Variants in ITPR3 observed in about 807,000 individuals in gnomAD.
The protein encoded by ITPR3 is inositol 1,4,5-trisphosphate receptor type 3.
ITPR3 carries 173 observed loss-of-function variants against 293.2 expected under a neutral mutation model. That is an observed-to-expected ratio of 0.59 (90% CI 0.52 to 0.67). The LOEUF (loss-of-function observed/expected upper bound fraction) is 0.67, where lower values mean the gene tolerates loss of function less well. Ranked by LOEUF, ITPR3 falls within the 30% of genes least tolerant of loss-of-function variation. The probability of loss-of-function intolerance (pLI) is 0.00; values close to 1 mark genes in which losing one functional copy is unlikely to be tolerated. For synonymous variants in ITPR3, 1,295 were observed against 1,444.4 expected (o/e 0.90, Z 2.35); for missense variants, 2,796 against 3,592.1 (o/e 0.78, Z 5.66).
At chr6:33,659,618 C>T (rs1764406023) in intron 7 of ITPR3, 69 bp downstream of exon 7, 4 of 1,314,558 alleles carry the variant, frequency 3.0e-6, no homozygotes, top group Admixed American at 3.5e-5. Context: ...CCTCTTCCTG[C>T]CTTCTCCACC....
chr6:33,678,562 G>T lies in ITPR3; in HGVS notation c.3771+19G>T, dbSNP rs746963244. 3.3e-6 allele frequency: 5 copies of T among 1,522,498 alleles called. No individual in the cohort carries two copies. Among genetic ancestry groups the T allele is most frequent in the Non-Finnish European group, 4.5e-6 (5 of 1,118,646 alleles). 94.3% of individuals were successfully genotyped at this position (1,522,498 alleles called of 1,614,324 possible). On this transcript the variant is annotated intron_variant, in intron 29 of 57. Transcript: ENST00000605930. ...GCCAGGGGTGAGGGTGCAGGGCTGGGAGCACCTGGACGAGGCGGGGGATGG... is the reference window on the plus strand; with the variant it reads ...GCCAGGGGTGAGGGTGCAGGGCTGGTAGCACCTGGACGAGGCGGGGGATGG...
intron 16 of ITPR3, 114 bp from the exon 17 acceptor site, chr6:33,668,401 G>A: frequency 7.2e-7 from 1 of 1,379,392 alleles, no homozygotes; most frequent in East Asian, 2.4e-5. Context: ...CCTTGGGAGG[G>A]AGCTAGTTCC....
chr6:33,682,726 C>G lies in ITPR3; in HGVS notation c.4597+82C>G. 6.7e-6 allele frequency: 10 copies of G among 1,489,136 alleles called. No individual in the cohort carries two copies. Among genetic ancestry groups the G allele is most frequent in the Non-Finnish European group, 8.0e-6 (9 of 1,122,928 alleles). 92.2% of individuals were successfully genotyped at this position (1,489,136 alleles called of 1,614,324 possible). On this transcript the variant is annotated intron_variant, in intron 34 of 57. Coordinates refer to ENST00000605930, the MANE Select transcript of ITPR3 (RefSeq NM_002224.4). This position sits in a 1 kb window ranked among gnomAD's most constrained non-coding sequence, Gnocchi z 5.4. ...GGGACGCCTGCCCTCCTAATAAACA[C>G]TTTATCCCTAAGCTCGCCCATCTCC...
In ITPR3 at chr6:33,667,436, A is replaced by T. The variant is rs2127277641; in HGVS notation, c.1713+146A>T. On this transcript the variant is annotated intron_variant, in intron 15 of 57. Transcript: ENST00000605930. This position sits in a 1 kb window ranked among gnomAD's most constrained non-coding sequence, Gnocchi z 4.4. ...AGACAGCAGGGCCGGGTTCATGGGA[A>T]TGGGACCTGGCCCGGTGCTCACAAG... 6 of 1,097,242 alleles carry T rather than the reference A, an allele frequency of 5.5e-6. 1 individual carries two copies. In the South Asian group the frequency reaches 9.8e-5, roughly 18 times the overall value. 68.0% of individuals were successfully genotyped at this position (1,097,242 alleles called of 1,614,324 possible).
At chr6:33,660,734 G>T (rs1489802307) in intron 7 of ITPR3, among the ~76,000 whole-genome samples, 1 of 152,102 alleles carries the variant, frequency 6.6e-6, no homozygotes, top group Non-Finnish European at 1.5e-5. Context: ...CTCAAGACCA[G>T]CCTGGCCAAC....
Position 33,655,624 on chromosome 6 carries a change from C to T in ITPR3, c.161-142C>T. Reference sequence around the variant, plus strand: ...TGCTCCAAATTCTGTGAGGTTCTTCCAACCGCTTCCTCTCTACCTGCAGCG... The same window carrying T: ...TGCTCCAAATTCTGTGAGGTTCTTCTAACCGCTTCCTCTCTACCTGCAGCG... On this transcript the variant is annotated intron_variant, in intron 2 of 57. Coordinates refer to ENST00000605930, the MANE Select transcript of ITPR3 (RefSeq NM_002224.4). This position sits in a 1 kb window ranked among gnomAD's most constrained non-coding sequence, Gnocchi z 4.9. 5.4e-6 allele frequency: 6 copies of T among 1,118,696 alleles called. No homozygotes were observed. Among genetic ancestry groups the T allele is most frequent in the Non-Finnish European group, 7.6e-6 (6 of 790,514 alleles). The allele number at this position is 1,118,696 out of a possible 1,614,324, so 69.3% of individuals were successfully genotyped here.
chr6:33,642,760 G>A (rs1200346396), intron 2 of ITPR3, among the ~76,000 whole-genome samples: 1 of 152,090 alleles, frequency 6.6e-6, no homozygotes, highest in Non-Finnish European at 1.5e-5. Flanking sequence ...GGGCCACCCC[G>A]TGGTCCCATA....
rs963394738 is a variant in ITPR3 at position 33,633,297 on chromosome 6, C to T, written c.90-7187C>T. Among the ~76,000 whole-genome samples, 6 of 152,070 alleles carry T rather than the reference C, an allele frequency of 3.9e-5. No homozygotes were observed. Among genetic ancestry groups the T allele is most frequent in the Admixed American group, 3.9e-4 (6 of 15,266 alleles). Reference sequence around the variant, plus strand: ...GGGTGGGAACAGGTCTTTTCTGGGGCCCGTGGGTGGAGGGACCTTGTGGGG... The same window carrying T: ...GGGTGGGAACAGGTCTTTTCTGGGGTCCGTGGGTGGAGGGACCTTGTGGGG... On this transcript the variant is annotated intron_variant, in intron 1 of 57. Transcript: ENST00000605930. The surrounding 1 kb of genome is among the most constrained non-coding windows in gnomAD (Gnocchi z 5.2).
intron 33 of ITPR3, among the ~76,000 whole-genome samples, chr6:33,681,864 G>A (rs1011103724): frequency 6.6e-6 from 1 of 151,986 alleles, no homozygotes; most frequent in Non-Finnish European, 1.5e-5. Flanking sequence ...GGTGATGGGG[G>A]AGAGACTTCT....
intron 18 of ITPR3, among the ~76,000 whole-genome samples, chr6:33,669,409 G>A (rs1055485525): frequency 3.3e-5 from 5 of 152,232 alleles, no homozygotes; most frequent in African/African-American, 1.2e-4. Context: ...AACCCAGACT[G>A]TTTTCAAACA....
chr6:33,636,651 G>T (rs1252477566), intron 1 of ITPR3, among the ~76,000 whole-genome samples: 1 of 151,984 alleles, frequency 6.6e-6, no homozygotes, highest in East Asian at 1.9e-4. Flanking sequence ...TGTTCCGGTG[G>T]GAGGCCAGGA....
In ITPR3 at chr6:33,688,419, C is replaced by T. The variant is rs200983397; in HGVS notation, c.6556C>T (p.Arg2186Cys). 2.5e-6 allele frequency: 4 copies of T among 1,580,780 alleles called. No individual in the cohort carries two copies. The highest frequency in any genetic ancestry group is 4.5e-5 in the East Asian group (2 of 44,198). ...CCTGCACAACGAGATGGAGTGGCAG[C>T]GCAAGCTCCGCAGTGAGGACCCACG... Reference protein sequence around the residue: ...SFLHNEMEWQRKLRSMPLIYW... With the variant: ...SFLHNEMEWQCKLRSMPLIYW... Residue 2186 changes from arginine to cysteine, a missense_variant, in exon 48 of 58, where the codon CGC (arginine) becomes TGC (cysteine). Arg to Cys is a radical substitution (Grantham distance 180). This residue lies in a region of ITPR3 where 568 missense variants were observed against 796.1 expected (regional missense o/e 0.71). Coordinates refer to ENST00000605930, the MANE Select transcript of ITPR3 (RefSeq NM_002224.4).
At chr6:33,678,954 T>C in intron 30 of ITPR3, 115 bp downstream of exon 30, 1 of 1,055,738 alleles carries the variant, frequency 9.5e-7, no homozygotes, top group Non-Finnish European at 1.4e-6. Flanking sequence ...AAAGGAACAC[T>C]CAGCTGCTGA....
intron 41 of ITPR3, 100 bp downstream of exon 41, chr6:33,685,927 C>G: frequency 6.6e-7 from 1 of 1,507,108 alleles, no homozygotes; most frequent in East Asian, 2.3e-5. Context: ...TGTGCCCTGC[C>G]CTGGGCACTG....
At chr6:33,660,265 CA>C (rs1417832449) in intron 7 of ITPR3, among the ~76,000 whole-genome samples, 1 of 152,034 alleles carries the variant, frequency 6.6e-6, no homozygotes, top group African/African-American at 2.4e-5. Context: ...GCTAGGGGAG[CA>C]GGCAGGAACA....
chr6:33,640,478 C>G lies in ITPR3; in HGVS notation c.90-6C>G. 1 of 1,612,770 alleles carries G rather than the reference C, an allele frequency of 6.2e-7. No individual in the cohort carries two copies. The highest frequency in any genetic ancestry group is 8.5e-7 in the Non-Finnish European group (1 of 1,179,380). ...CTCCTGCTGACCGAGCTGCTTTGTT[C>G]CCCAGGCTGGTGGATGACCGCTGTG... is the stretch of plus-strand genomic sequence containing the variant. On this transcript the variant is annotated splice_polypyrimidine_tract_variant and splice_region_variant and intron_variant, in intron 1 of 57. Coordinates refer to ENST00000605930, the MANE Select transcript of ITPR3 (RefSeq NM_002224.4).
At position 33,675,425 on chromosome 6, in the gene ITPR3, C is replaced by CA. The variant is rs59595237; in HGVS notation, c.3117-251dup. 0.094 allele frequency among the ~76,000 whole-genome samples: 9,217 copies of CA among 97,844 alleles called. 299 individuals carry two copies. The highest frequency in any genetic ancestry group is 0.12 in the African/African-American group (3,024 of 26,140). 64.2% of individuals were successfully genotyped at this position (97,844 alleles called of 152,430 possible). ...TGGGTGACAGAGCAAGACTCTGTCT[C>CA]AAAAAAAAAAAAAAAGAGTCCTTGC... On this transcript the variant is annotated intron_variant, in intron 24 of 57. Coordinates refer to ENST00000605930, the MANE Select transcript of ITPR3 (RefSeq NM_002224.4). This position sits in a 1 kb window ranked among gnomAD's most constrained non-coding sequence, Gnocchi z 5.0.
chr6:33,665,133 C>A lies in ITPR3; in HGVS notation c.1329C>A (p.Asp443Glu), dbSNP rs1463305556. The change falls in exon 13 of 58, where the codon GAC becomes GAA. Residue 443 changes from aspartate (D) to glutamate (E), a missense_variant. Transcript: ENST00000605930. ...SVPVSEIRDL[D>E]FANDASSMLA... ...CCGTGTCTGAGATCCGAGACCTGGA[C>A]TTTGCCAATGACGCCAGCTCCATGC... is the stretch of plus-strand genomic sequence containing the variant. 1 of 1,614,082 alleles carries A rather than the reference C, an allele frequency of 6.2e-7. No homozygotes were observed. Among genetic ancestry groups the A allele is most frequent in the Non-Finnish European group, 8.5e-7 (1 of 1,180,052 alleles).
At position 33,688,230 on chromosome 6, in the gene ITPR3, T is replaced by C. The variant is rs1167562470; in HGVS notation, c.6376-9T>C. 1.9e-6 allele frequency: 3 copies of C among 1,614,118 alleles called. No individual in the cohort carries two copies. The highest frequency in any genetic ancestry group is 2.5e-6 in the Non-Finnish European group (3 of 1,179,994). On this transcript the variant is annotated splice_polypyrimidine_tract_variant and intron_variant, in intron 47 of 57. Transcript: ENST00000605930. The stretch of plus-strand genomic sequence containing the variant: ...GCGCCGGGCGTGACCATGTGCTGTG[T>C]GTGCTCAGATTGTGCGGCAGGACCG...
Sources: allele counts gnomAD v4.1 joint callset (sites outside exome capture counted in the v4.1 genomes callset), GRCh38; gene constraint gnomAD v4.1.1; regional missense constraint gnomAD v4.1.1; non-coding constraint Gnocchi (gnomAD v3.1); transcripts MANE v1.5; gene names NCBI Gene and HGNC (gene_info 2026-07-23, HGNC 2026-07-21).